FSCB: variants seen among roughly 807,000 people sequenced by gnomAD.
The protein encoded by FSCB is fibrous sheath CABYR binding protein, also known as fibrous sheath CABYR-binding protein.
For synonymous variants in FSCB, 331 were observed against 336.6 expected, an observed-to-expected ratio of 0.98 and a Z score of 0.18; for missense variants, 975 against 934.8, an observed-to-expected ratio of 1.04 and a Z score of -0.56.
rs1037594209 is a variant in FSCB, at chr14:44,504,852, G to A, written c.2136C>T (p.Ala712=). 6.8e-6 allele frequency: 11 copies of A among 1,614,026 alleles called. No homozygotes were observed. The African/African-American group carries it at 9.3e-5, about 14-fold the overall frequency. ...PPADDVPAEE[A]SVDKHSPPAD... ...CTGGTGGGGAATGTTTGTCAACGGA[G>A]GCCTCTTCTGCAGGGACATCATCAG... The change falls in exon 1 of 1, where the codon GCC becomes GCT. Residue 712 remains alanine, a synonymous_variant. Coordinates refer to ENST00000340446, the MANE Select transcript of FSCB (RefSeq NM_032135.4).
Position 44,505,290 on chromosome 14 carries a change from T to G in FSCB, c.1698A>C (p.Gly566=). 6.2e-7 allele frequency: 1 copy of G among 1,607,952 alleles called. No individual in the cohort carries two copies. Among genetic ancestry groups the G allele is most frequent in the Non-Finnish European group, 8.5e-7 (1 of 1,178,538 alleles). The change falls in exon 1 of 1, where the codon GGA becomes GGC. Residue 566 remains glycine, a synonymous_variant. Transcript: ENST00000340446. ...CAAGAGGGGCCTCTTCTATAGAAAC[T>G]CCCTTAGCTGATGGAGACTGAACTT... ...PAEVQSPSAK[G]VSIEEAPLEL...
rs1310212438 is a variant in FSCB at position 44,504,638 on chromosome 14, A to G, written c.2350T>C (p.Phe784Leu). 1 of 1,614,056 alleles carries G rather than the reference A, an allele frequency of 6.2e-7. No homozygotes were observed. The highest frequency in any genetic ancestry group is 1.3e-5 in the African/African-American group (1 of 74,914). ...GAATTGATTTTTGAAACCTCTTCAA[A>G]TTTTGCTTCACCTTCCAAAACAACC... Reference protein sequence around the residue: ...GSVVLEGEAKFEEVSKINSVL... With the variant: ...GSVVLEGEAKLEEVSKINSVL... Residue 784 changes from phenylalanine to leucine, a missense_variant, in exon 1 of 1, where the codon TTT becomes CTT. Physicochemically the swap from Phe to Leu is conservative, Grantham distance 22 (BLOSUM62 0). Coordinates refer to ENST00000340446, the MANE Select transcript of FSCB (RefSeq NM_032135.4).
rs1051289259 is a variant in FSCB at position 44,504,313 on chromosome 14, T to C, written c.*197A>G. 1 of 433,304 alleles carries C rather than the reference T, an allele frequency of 2.3e-6. No individual in the cohort carries two copies. The highest frequency in any genetic ancestry group is 2.0e-5 in the African/African-American group (1 of 49,068). The allele number at this position is 433,304 out of a possible 1,614,324, so 26.8% of individuals were successfully genotyped here. ...TTCAAAATAGGTATTTTTCATGCCA[T>C]AAATTTGAATGAAATTAACACAAGT... On this transcript the variant is annotated 3_prime_UTR_variant, in exon 1 of 1. Transcript: ENST00000340446.
At position 44,505,933 on chromosome 14, in the gene FSCB, G is replaced by A. The variant is rs1881067029; in HGVS notation, c.1055C>T (p.Pro352Leu). 6.2e-7 allele frequency: 1 copy of A among 1,613,190 alleles called. No homozygotes were observed. The highest frequency in any genetic ancestry group is 1.3e-5 in the African/African-American group (1 of 75,008). The change falls in exon 1 of 1, where the codon CCT becomes CTT. Residue 352 changes from proline to leucine, a missense_variant. Pro to Leu is a moderately conservative substitution (Grantham distance 98). Coordinates refer to ENST00000340446, the MANE Select transcript of FSCB (RefSeq NM_032135.4). ...PSVELLAEIL[P>L]PSAEESPSEE... is the part of the protein sequence containing the mutation. Reference sequence around the variant, plus strand: ...TGAAGGGGACTCTTCAGCTGATGGAGGCAGAATTTCAGCCAGAAGCTCTAC... The same window carrying A: ...TGAAGGGGACTCTTCAGCTGATGGAAGCAGAATTTCAGCCAGAAGCTCTAC...
chr14:44,506,448 A>G lies in FSCB; in HGVS notation c.540T>C (p.Asp180=), dbSNP rs754213779. The G allele has an allele frequency of 2.5e-5, 41 of 1,614,068 alleles. No individual in the cohort carries two copies. The highest frequency in any genetic ancestry group is 1.3e-4 in the Admixed American group (8 of 60,012). ...PDSSSTKSKE[D]ALKHKSSGKI... The stretch of plus-strand genomic sequence containing the variant: ...TTCCCGACGATTTATGTTTCAGGGC[A>G]TCTTCCTTTGACTTTGTAGAAGAAC... Residue 180 remains aspartate (D), a synonymous_variant, in exon 1 of 1, where the codon GAT becomes GAC. Transcript: ENST00000340446.
In FSCB at chr14:44,505,101, C is replaced by A. The variant is rs1173259818; in HGVS notation, c.1887G>T (p.Glu629Asp). Residue 629 changes from glutamate (E) to aspartate (D), a missense_variant, in exon 1 of 1, where the codon GAG becomes GAT. Physicochemically the swap from Glu to Asp is conservative, Grantham distance 45. Transcript: ENST00000340446. ...PAEVQPPPAE[E>D]APAEVQPPPA... Reference sequence around the variant, plus strand: ...GTGGAGGCTGAACTTCAGCGGGGGCCTCCTCAGCTGGTGGAGGCTGAACTT... The same window carrying A: ...GTGGAGGCTGAACTTCAGCGGGGGCATCCTCAGCTGGTGGAGGCTGAACTT... 2.1e-6 allele frequency: 2 copies of A among 953,670 alleles called. No individual in the cohort carries two copies. Among genetic ancestry groups the A allele is most frequent in the East Asian group, 5.3e-5 (2 of 37,934 alleles). 59.1% of individuals were successfully genotyped at this position (953,670 alleles called of 1,614,324 possible).
At position 44,506,795 on chromosome 14, in the gene FSCB, C is replaced by T; in HGVS notation, c.193G>A (p.Gly65Arg). Reference sequence around the variant, plus strand: ...AGAGACTTACTAGTCATTTCCTGTCCATGCTTTCTCTTTGTCCAAGTTTGC... The same window carrying T: ...AGAGACTTACTAGTCATTTCCTGTCTATGCTTTCTCTTTGTCCAAGTTTGC... ...LQQTWTKRKH[G>R]QEMTSKSLQT... The change falls in exon 1 of 1, where the codon GGA becomes AGA. Residue 65 changes from glycine (G) to arginine (R), a missense_variant. By Grantham distance (125) the Gly-to-Arg change is moderately radical (BLOSUM62 -2). Transcript: ENST00000340446. The T allele has an allele frequency of 1.2e-6, 2 of 1,614,006 alleles. No homozygotes were observed. The highest frequency in any genetic ancestry group is 2.2e-5 in the East Asian group (1 of 44,870).
chr14:44,506,383 GTTGC>G, the FSCB span: 50 of 1,614,122 alleles, frequency 3.1e-5, no homozygotes, highest in African/African-American at 4.4e-4. Context: ...ATTGCTGTTT[GTTGC>G]TGGTTGAAAT....
Position 44,507,104 on chromosome 14 carries a change from A to C in FSCB, c.-117T>G. 4.9e-6 allele frequency: 4 copies of C among 821,298 alleles called. No individual in the cohort carries two copies. Among genetic ancestry groups the C allele is most frequent in the Non-Finnish European group, 7.6e-6 (4 of 523,834 alleles). 50.9% of individuals were successfully genotyped at this position (821,298 alleles called of 1,614,324 possible). On this transcript the variant is annotated 5_prime_UTR_variant, in exon 1 of 1. Transcript: ENST00000340446. ...AGTGATTTCAAACTTATTAATTTTC[A>C]AGTAATGACCAAAAATCACAAACGT...
In FSCB at chr14:44,504,513, C is replaced by A; in HGVS notation, c.2475G>T (p.Leu825=). 6.3e-7 allele frequency: 1 copy of A among 1,595,338 alleles called. No homozygotes were observed. The highest frequency in any genetic ancestry group is 8.6e-7 in the Non-Finnish European group (1 of 1,169,088). Residue 825 remains leucine (L), a synonymous_variant, in exon 1 of 1, where the codon CTG becomes CTT. Coordinates refer to ENST00000340446, the MANE Select transcript of FSCB (RefSeq NM_032135.4). ...TGCTAGCTTAGGTACAACCTGACTA[C>A]AGTTCAGGAGGACGTTGTTTTAATT... ...HIELKQRPPE[L]
rs536532901 is a variant in FSCB, at chr14:44,504,696, C to T, written c.2292G>A (p.Gln764=). ...ATTTTACTGCTGGAATTCCTGCCAC[C>T]TGCGGTGACTGAAATTCTGTAGACA... ...ENVSTEFQSP[Q]VAGIPAVKLG... Residue 764 remains glutamine (Q), a synonymous_variant, in exon 1 of 1, where the codon CAG becomes CAA. Coordinates refer to ENST00000340446, the MANE Select transcript of FSCB (RefSeq NM_032135.4). 1.2e-6 allele frequency: 2 copies of T among 1,614,130 alleles called. No individual in the cohort carries two copies. Among genetic ancestry groups the T allele is most frequent in the South Asian group, 1.1e-5 (1 of 91,084 alleles).
Position 44,504,328 on chromosome 14 carries a change from T to G in FSCB, c.*182A>C, listed in dbSNP as rs2138674676. 4.4e-6 allele frequency: 2 copies of G among 456,182 alleles called. No individual in the cohort carries two copies. Among genetic ancestry groups the G allele is most frequent in the Non-Finnish European group, 7.8e-6 (2 of 257,128 alleles). The allele number at this position is 456,182 out of a possible 1,614,324, so 28.3% of individuals were successfully genotyped here. On this transcript the variant is annotated 3_prime_UTR_variant, in exon 1 of 1. Coordinates refer to ENST00000340446, the MANE Select transcript of FSCB (RefSeq NM_032135.4). Reference sequence around the variant, plus strand: ...TTTCATGCCATAAATTTGAATGAAATTAACACAAGTAATTTTATGCTGCTA... The same window carrying G: ...TTTCATGCCATAAATTTGAATGAAAGTAACACAAGTAATTTTATGCTGCTA...
Position 44,504,414 on chromosome 14 carries a change from C to A in FSCB, c.*96G>T. 2.2e-6 allele frequency: 2 copies of A among 903,890 alleles called. No homozygotes were observed. Among genetic ancestry groups the A allele is most frequent in the Non-Finnish European group, 1.7e-6 (1 of 603,258 alleles). 56.0% of individuals were successfully genotyped at this position (903,890 alleles called of 1,614,324 possible). On this transcript the variant is annotated 3_prime_UTR_variant, in exon 1 of 1. Coordinates refer to ENST00000340446, the MANE Select transcript of FSCB (RefSeq NM_032135.4). Reference sequence around the variant, plus strand: ...AGTCTTGGGGTCCCCTTTAATTTGCCTTATTGACAAAGCTACTTCCCGCTG... The same window carrying A: ...AGTCTTGGGGTCCCCTTTAATTTGCATTATTGACAAAGCTACTTCCCGCTG...
Position 44,506,984 on chromosome 14 carries a change from C to T in FSCB, c.4G>A (p.Val2Ile), listed in dbSNP as rs752721220. The change falls in exon 1 of 1, where the codon GTA (valine) becomes ATA (isoleucine). Residue 2 changes from valine to isoleucine, a missense_variant. Transcript: ENST00000340446. ...ACATCAGTTTGCTGGGATTTGCCTA[C>T]CATTGGTTTGCTGGGTCATCTTCTC... M[V>I]GKSQQTDVIE... 2 of 1,575,096 alleles carry T rather than the reference C, an allele frequency of 1.3e-6. No individual in the cohort carries two copies. Among genetic ancestry groups the T allele is most frequent in the South Asian group, 1.2e-5 (1 of 85,192 alleles).
rs767114031 is a variant in FSCB at position 44,504,862 on chromosome 14, G to T, written c.2126C>A (p.Ala709Glu). 1.9e-6 allele frequency: 3 copies of T among 1,614,180 alleles called. No homozygotes were observed. In the East Asian group the frequency reaches 6.7e-5, roughly 36 times the overall value. ...VHSPPADDVPAEEASVDKHSP... is the reference protein window; with the variant it reads ...VHSPPADDVPEEEASVDKHSP... ...ATGTTTGTCAACGGAGGCCTCTTCT[G>T]CAGGGACATCATCAGCTGGGGGAGA... The change falls in exon 1 of 1, where the codon GCA becomes GAA. Residue 709 changes from alanine to glutamate, a missense_variant. By Grantham distance (107) the Ala-to-Glu change is moderately radical. Transcript: ENST00000340446.
chr14:44,506,692 G>A lies in FSCB; in HGVS notation c.296C>T (p.Ala99Val). 1.2e-6 allele frequency: 2 copies of A among 1,614,112 alleles called. No homozygotes were observed. Among genetic ancestry groups the A allele is most frequent in the Non-Finnish European group, 1.7e-6 (2 of 1,180,008 alleles). ...EETVVPEEKS[A>V]DVREAAIELP... is the part of the protein sequence containing the mutation. ...TTCAATAGCAGCTTCTCTAACATCA[G>A]CTGACTTTTCTTCAGGTACCACGGT... The change falls in exon 1 of 1, where the codon GCT (alanine) becomes GTT (valine). Residue 99 changes from alanine (A) to valine (V), a missense_variant. By Grantham distance (64) the Ala-to-Val change is moderately conservative. Transcript: ENST00000340446.
Position 44,505,854 on chromosome 14 carries a change from T to C in FSCB, c.1134A>G (p.Val378=), listed in dbSNP as rs753845037. 4 of 1,613,910 alleles carry C rather than the reference T, an allele frequency of 2.5e-6. No homozygotes were observed. The highest frequency in any genetic ancestry group is 1.3e-5 in the African/African-American group (1 of 74,862). ...GAGACCGAATTTCACCAAGAAGCTC[T>C]ACTGAAGGAGACTTTTCAGCTGGTG... The part of the protein sequence containing the change: ...LPPPAEKSPS[V]ELLGEIRSPS... Residue 378 remains valine (V), a synonymous_variant, in exon 1 of 1, where the codon GTA becomes GTG. Transcript: ENST00000340446.
At position 44,506,025 on chromosome 14, in the gene FSCB, A is replaced by G. The variant is rs768482495; in HGVS notation, c.963T>C (p.Ala321=). The change falls in exon 1 of 1, where the codon GCT becomes GCC. Residue 321 remains alanine, a synonymous_variant. Transcript: ENST00000340446. ...ENSVKVQPPP[A]EEAPLVEFPA... is the part of the protein sequence containing the mutation. ...GAAACTCCACTAAAGGGGCCTCTTC[A>G]GCAGGTGGAGGCTGAACTTTAACAG... 3 of 1,614,196 alleles carry G rather than the reference A, an allele frequency of 1.9e-6. No homozygotes were observed. The highest frequency in any genetic ancestry group is 2.5e-6 in the Non-Finnish European group (3 of 1,180,046).
the FSCB span, chr14:44,506,605 AT>A: frequency 3.1e-6 from 5 of 1,614,120 alleles, no homozygotes; most frequent in South Asian, 5.5e-5. Context: ...AGATCTGTCC[AT>A]TTTTAGTTGA....
Sources: allele counts gnomAD v4.1 joint callset, GRCh38; gene constraint gnomAD v4.1.1; transcripts MANE v1.5; gene names NCBI Gene and HGNC (gene_info 2026-07-23, HGNC 2026-07-21).